HS6ST1: variants seen among roughly 807,000 people sequenced by gnomAD.
The protein encoded by HS6ST1 is heparan-sulfate 6-O-sulfotransferase 1.
In HS6ST1, 3 loss-of-function variants were observed where a neutral mutation model predicts 25.2. The ratio of observed to expected loss-of-function variants is 0.12; its 90% CI spans 0.05 to 0.31. The LOEUF (loss-of-function observed/expected upper bound fraction) is 0.31, where lower values mean the gene tolerates loss of function less well. HS6ST1 is among the 10% of genes least tolerant of loss of function. The pLI is 1.00. For missense variants in HS6ST1, 310 were observed against 609.6 expected (o/e 0.51, Z 5.18); for synonymous variants, 204 against 275.1 (o/e 0.74, Z 2.56).
rs1693561535 is a variant in HS6ST1 at position 128,268,474 on chromosome 2, G to A, written c.924C>T (p.Phe308=). ...RKTQYLFERT[F]NLKFIRPFMQ... is the part of the protein sequence containing the mutation. ...TGAAGGGCCGGATGAACTTGAGGTT[G>A]AACGTCCGCTCGAACAGGTACTGCG... Residue 308 remains phenylalanine, a synonymous_variant, in exon 2 of 2, where the codon TTC becomes TTT. Transcript: ENST00000259241. 6.2e-7 allele frequency: 1 copy of A among 1,613,186 alleles called. No individual in the cohort carries two copies. Among genetic ancestry groups the A allele is most frequent in the Non-Finnish European group, 8.5e-7 (1 of 1,179,788 alleles).
At chr2:128,279,621 T>C (rs1051093690) in intron 1 of HS6ST1, among the ~76,000 whole-genome samples, 1 of 151,994 alleles carries the variant, frequency 6.6e-6, no homozygotes, top group African/African-American at 2.4e-5. Context: ...CAGTGATTAG[T>C]TTTAAAAACC....
At chr2:128,282,739 G>T (rs887199739) in intron 1 of HS6ST1, among the ~76,000 whole-genome samples, 4 of 152,230 alleles carry the variant, frequency 2.6e-5, no homozygotes, top group African/African-American at 9.6e-5. Context: ...CTGGAATCCA[G>T]GGAAGACGCT....
At chr2:128,313,640 G>A (rs148880370) in intron 1 of HS6ST1, among the ~76,000 whole-genome samples, 1,885 of 152,256 alleles carry the variant, frequency 0.012, 15 homozygotes, top group Admixed American at 0.021. Context: ...GGGCCCTGGA[G>A]GATGCCAGAC....
chr2:128,311,561 C>T (rs1466418026), intron 1 of HS6ST1, among the ~76,000 whole-genome samples: 2 of 152,220 alleles, frequency 1.3e-5, no homozygotes, highest in East Asian at 1.9e-4. Context: ...CTGCTGCCTC[C>T]GTGATGCTTG....
intron 1 of HS6ST1, among the ~76,000 whole-genome samples, chr2:128,315,284 G>A (rs1291514313): frequency 6.6e-6 from 1 of 152,170 alleles, no homozygotes; most frequent in Admixed American, 6.5e-5. Context: ...TCAAAAACCT[G>A]TCCATCTCCA....
intron 1 of HS6ST1, among the ~76,000 whole-genome samples, chr2:128,273,288 T>C (rs1042330619): frequency 6.6e-6 from 1 of 152,180 alleles, no homozygotes; most frequent in African/African-American, 2.4e-5. Context: ...CTCAGAACAT[T>C]GCCATGCCCT....
chr2:128,284,504 C>CTTTTTTTTTTTTCG (rs1227327752), intron 1 of HS6ST1, among the ~76,000 whole-genome samples: 1 of 94,888 alleles, frequency 1.1e-5, no homozygotes, highest in East Asian at 2.5e-4. Context: ...CATCGTCCCT[C>CTTTTTTTTTTTTCG]TTTTTTTTTT....
intron 1 of HS6ST1, among the ~76,000 whole-genome samples, chr2:128,298,599 C>G (rs1239571084): frequency 2.6e-5 from 4 of 152,146 alleles, no homozygotes; most frequent in Non-Finnish European, 5.9e-5. Context: ...AATCCGCTAT[C>G]TAGAGTAGCC....
rs1693496756 is a variant in HS6ST1 at position 128,265,564 on chromosome 2, C to A, written c.*2598G>T. ...AGATGATTATGACTTGCTTTTCCAT[C>A]ATCAACTCATTTTTTTGTATGAATA... On this transcript the variant is annotated 3_prime_UTR_variant, in exon 2 of 2. Transcript: ENST00000259241. The A allele has an allele frequency of 1.3e-5, 2 of 152,254 alleles. No homozygotes were observed. The highest frequency in any genetic ancestry group is 2.9e-5 in the Non-Finnish European group (2 of 68,030). The allele number at this position is 152,254 out of a possible 1,614,324, so 9.4% of individuals were successfully genotyped here. A position where few individuals can be genotyped will look rare whatever the true frequency, so the allele number is the denominator to read the frequency against.
chr2:128,301,716 T>C (rs1346212943), intron 1 of HS6ST1, among the ~76,000 whole-genome samples: 4 of 152,146 alleles, frequency 2.6e-5, no homozygotes, highest in Admixed American at 2.6e-4. Flanking sequence ...TGGTCAACCC[T>C]GGGAGTTCTC....
chr2:128,304,596 T>C (rs1380528889), intron 1 of HS6ST1, among the ~76,000 whole-genome samples: 1 of 37,170 alleles, frequency 2.7e-5, no homozygotes, highest in Non-Finnish European at 4.7e-5. Flanking sequence ...CCTCTGCCCG[T>C]GGGTCCCCTC....
At chr2:128,303,749 C>G (rs1694168519) in intron 1 of HS6ST1, among the ~76,000 whole-genome samples, 1 of 152,218 alleles carries the variant, frequency 6.6e-6, no homozygotes, top group South Asian at 2.1e-4. Context: ...TGTGGGTGCC[C>G]AGGTCCTCAC....
At chr2:128,314,699 G>C (rs13014395) in intron 1 of HS6ST1, among the ~76,000 whole-genome samples, 1 of 152,080 alleles carries the variant, frequency 6.6e-6, no homozygotes, top group African/African-American at 2.4e-5. Flanking sequence ...ACTGGTCTCT[G>C]CAGGGCAACG....
intron 1 of HS6ST1, among the ~76,000 whole-genome samples, chr2:128,278,217 C>T (rs1398523550): frequency 6.6e-6 from 1 of 152,252 alleles, no homozygotes; most frequent in Non-Finnish European, 1.5e-5. Context: ...GTCTCTCACT[C>T]CTCCAGTGGG....
rs1454388456 is a variant in HS6ST1, at chr2:128,266,120, G to A, written c.*2042C>T. 2.6e-5 allele frequency: 4 copies of A among 151,718 alleles called. No homozygotes were observed. Among genetic ancestry groups the A allele is most frequent in the Non-Finnish European group, 5.9e-5 (4 of 67,912 alleles). 9.4% of individuals were successfully genotyped at this position (151,718 alleles called of 1,614,324 possible). A position where few individuals can be genotyped will look rare whatever the true frequency, so the allele number is the denominator to read the frequency against. On this transcript the variant is annotated 3_prime_UTR_variant, in exon 2 of 2. Coordinates refer to ENST00000259241, the MANE Select transcript of HS6ST1 (RefSeq NM_004807.3). ...TACAAAACAACCTGCGCTCAGGCCC[G>A]CGCACCCAGGAAGCCCATGGTGAAG...
chr2:128,284,062 C>G (rs1191044145), intron 1 of HS6ST1, among the ~76,000 whole-genome samples: 1 of 152,188 alleles, frequency 6.6e-6, no homozygotes, highest in East Asian at 1.9e-4. Flanking sequence ...GGGCAGCCCC[C>G]CACCCTCACC....
intron 1 of HS6ST1, among the ~76,000 whole-genome samples, chr2:128,307,485 A>G (rs548695977): frequency 3.7e-4 from 57 of 152,216 alleles, no homozygotes; most frequent in Non-Finnish European, 5.4e-4. Context: ...AAGTCCACAC[A>G]TGGAGAAATG....
intron 1 of HS6ST1, among the ~76,000 whole-genome samples, chr2:128,292,195 C>T (rs926719247): frequency 2.0e-5 from 3 of 152,232 alleles, no homozygotes; most frequent in Non-Finnish European, 4.4e-5. Flanking sequence ...CCACAGAGAC[C>T]ACCTGGTGAA....
intron 1 of HS6ST1, among the ~76,000 whole-genome samples, chr2:128,269,499 C>T (rs914253692): frequency 1.5e-4 from 23 of 152,338 alleles, no homozygotes; most frequent in African/African-American, 5.3e-4. Context: ...AGGAAGACTC[C>T]ACCTCCCACC....
Sources: allele counts gnomAD v4.1 joint callset (sites outside exome capture counted in the v4.1 genomes callset), GRCh38; gene constraint gnomAD v4.1.1; transcripts MANE v1.5; gene names NCBI Gene and HGNC (gene_info 2026-07-23, HGNC 2026-07-21).